FBXL7: variants seen among roughly 807,000 people sequenced by gnomAD.
FBXL7 encodes the protein F-box and leucine rich repeat protein 7, also known as F-box/LRR-repeat protein 7.
A neutral mutation model predicts 38.3 loss-of-function variants in FBXL7; 12 were observed. The ratio of observed to expected loss-of-function variants is 0.31; its 90% CI spans 0.20 to 0.51. The LOEUF (loss-of-function observed/expected upper bound fraction) is 0.51. FBXL7 is among the 20% of genes least tolerant of loss of function. The pLI, the probability that FBXL7 is intolerant of heterozygous loss-of-function variation, is 0.98. For synonymous variants in FBXL7, 297 were observed against 300.9 expected (o/e 0.99, Z 0.13); for missense variants, 567 against 676.4 (o/e 0.84, Z 1.79).
chr5:15,761,789 G>A (rs1736453727), intron 2 of FBXL7, among the ~76,000 whole-genome samples: 1 of 152,122 alleles, frequency 6.6e-6, no homozygotes, highest in African/African-American at 2.4e-5. Flanking sequence ...CGAGTGATCT[G>A]CCCACTTTGG....
intron 1 of FBXL7, among the ~76,000 whole-genome samples, chr5:15,548,041 A>T (rs113798619): frequency 2.4e-3 from 372 of 152,326 alleles, no homozygotes; most frequent in Non-Finnish European, 3.9e-3. Flanking sequence ...CTCCACTGGC[A>T]TTCTAATTTC....
At chr5:15,549,474 AAGGCC>A (rs1474845388) in intron 1 of FBXL7, among the ~76,000 whole-genome samples, 1 of 152,098 alleles carries the variant, frequency 6.6e-6, no homozygotes, top group African/African-American at 2.4e-5. Context: ...CTTTCTTTGT[AAGGCC>A]AGGGAGCTAA....
chr5:15,612,487 C>T (rs1991529), intron 1 of FBXL7, among the ~76,000 whole-genome samples: 54,148 of 151,898 alleles, frequency 0.36, 10,019 homozygotes, highest in East Asian at 0.51. Context: ...GCACACATGT[C>T]CTCACGTGTG....
intron 2 of FBXL7, among the ~76,000 whole-genome samples, chr5:15,619,423 G>A (rs1028440232): frequency 6.6e-6 from 1 of 152,128 alleles, no homozygotes; most frequent in African/African-American, 2.4e-5. Flanking sequence ...CCCTGCTCAC[G>A]CCTACCTAAC....
At chr5:15,841,580 A>G (rs866093740) in intron 2 of FBXL7, among the ~76,000 whole-genome samples, 1 of 152,098 alleles carries the variant, frequency 6.6e-6, no homozygotes, top group Non-Finnish European at 1.5e-5. Context: ...TCCCAACATC[A>G]TGATATATTA....
chr5:15,643,171 T>G (rs1741418723), intron 2 of FBXL7, among the ~76,000 whole-genome samples: 1 of 152,052 alleles, frequency 6.6e-6, no homozygotes, highest in Admixed American at 6.6e-5. Context: ...GCGACAAGAG[T>G]CCCAATCCTT....
chr5:15,915,416 G>T (rs994808656), intron 2 of FBXL7, among the ~76,000 whole-genome samples: 4 of 152,198 alleles, frequency 2.6e-5, no homozygotes, highest in African/African-American at 9.7e-5. Flanking sequence ...GAGTGTTGCA[G>T]TGTAACTCTA....
chr5:15,840,694 A>G (rs1053894417), intron 2 of FBXL7, among the ~76,000 whole-genome samples: 2 of 151,998 alleles, frequency 1.3e-5, no homozygotes, highest in Non-Finnish European at 2.9e-5. Context: ...TAAAAATACA[A>G]AAATTAGCTG....
At chr5:15,530,977 C>G (rs1481132311) in intron 1 of FBXL7, among the ~76,000 whole-genome samples, 2 of 152,138 alleles carry the variant, frequency 1.3e-5, no homozygotes, top group Non-Finnish European at 2.9e-5. Context: ...ATAAACTTAC[C>G]TGATCACAGT....
At chr5:15,617,810 C>T (rs1740504503) in intron 2 of FBXL7, among the ~76,000 whole-genome samples, 1 of 152,154 alleles carries the variant, frequency 6.6e-6, no homozygotes, top group Admixed American at 6.6e-5. Flanking sequence ...ATAGTGCAAT[C>T]CTCTCTAGTC....
At chr5:15,869,969 A>T (rs1739882239) in intron 2 of FBXL7, among the ~76,000 whole-genome samples, 1 of 152,050 alleles carries the variant, frequency 6.6e-6, no homozygotes, top group East Asian at 1.9e-4. Flanking sequence ...AATTAGCTGG[A>T]TGTGGTGGCA....
intron 1 of FBXL7, among the ~76,000 whole-genome samples, chr5:15,531,909 C>A (rs1290395214): frequency 1.3e-5 from 2 of 152,174 alleles, no homozygotes; most frequent in Non-Finnish European, 2.9e-5. Context: ...CTTAAAGAAA[C>A]CCTTTGCTGG....
intron 1 of FBXL7, among the ~76,000 whole-genome samples, chr5:15,611,547 A>G (rs560591488): frequency 1.3e-5 from 2 of 152,292 alleles, no homozygotes; most frequent in African/African-American, 4.8e-5. Flanking sequence ...GAAACACACA[A>G]AAACCAAATT....
chr5:15,532,039 C>T (rs1580354902), intron 1 of FBXL7, among the ~76,000 whole-genome samples: 1 of 152,278 alleles, frequency 6.6e-6, no homozygotes, highest in East Asian at 1.9e-4. Flanking sequence ...AATGGTGTCA[C>T]ATGTTATGTA....
chr5:15,889,976 A>C (rs1360699708), intron 2 of FBXL7, among the ~76,000 whole-genome samples: 1 of 152,200 alleles, frequency 6.6e-6, no homozygotes, highest in Admixed American at 6.5e-5. Flanking sequence ...TCCTAACCGG[A>C]GGGAGATTTC....
chr5:15,891,209 A>G (rs1254061173), intron 2 of FBXL7, among the ~76,000 whole-genome samples: 1 of 152,178 alleles, frequency 6.6e-6, no homozygotes, highest in Non-Finnish European at 1.5e-5. Flanking sequence ...GGAGAGTAGA[A>G]TGTTTAAATA....
chr5:15,915,011 C>G (rs1410599853), intron 2 of FBXL7, among the ~76,000 whole-genome samples: 1 of 152,204 alleles, frequency 6.6e-6, no homozygotes, highest in East Asian at 1.9e-4. Context: ...GGCAGAAAAG[C>G]TGACTTCTGA....
intron 2 of FBXL7, among the ~76,000 whole-genome samples, chr5:15,625,210 T>G (rs1580416318): frequency 6.6e-6 from 1 of 152,324 alleles, no homozygotes; most frequent in Admixed American, 6.5e-5. Context: ...TTGTTGAAGA[T>G]TTAGTCTGCA....
intron 2 of FBXL7, among the ~76,000 whole-genome samples, chr5:15,754,294 C>T (rs777759179): frequency 1.5e-4 from 23 of 152,136 alleles, no homozygotes; most frequent in African/African-American, 3.1e-4. Flanking sequence ...GCAAGTGCTA[C>T]GAGTAGAACT....
Sources: gnomAD v4.1 joint callset for allele counts (sites outside exome capture counted in the v4.1 genomes callset) on GRCh38, gnomAD v4.1.1 for gene constraint, MANE v1.5 for transcripts, NCBI Gene and HGNC (gene_info 2026-07-23, HGNC 2026-07-21) for gene names.